The following XRRA1 variants were observed in gnomAD, a reference collection of about 807,000 sequenced individuals.
XRRA1 encodes X-ray radiation resistance associated 1, also known as X-ray radiation resistance-associated protein 1.
XRRA1 carries 69 observed loss-of-function variants against 80.2 expected under a neutral mutation model. The ratio of observed to expected loss-of-function variants is 0.86; its 90% confidence interval spans 0.71 to 1.05. XRRA1 has a LOEUF of 1.05. XRRA1 is among the 50% of genes least tolerant of loss of function. The pLI, the probability that XRRA1 is intolerant of heterozygous loss-of-function variation, is 0.00. For missense variants in XRRA1, 967 were observed against 976.4 expected, an observed-to-expected ratio of 0.99 and a Z score of 0.13; for synonymous variants, 348 against 389.9, an observed-to-expected ratio of 0.89 and a Z score of 1.27.
chr11:74,885,278 A>C (rs1026635340), intron 10 of XRRA1, among the ~76,000 whole-genome samples: 1 of 152,232 alleles, frequency 6.6e-6, no homozygotes, highest in Admixed American at 6.5e-5. Flanking sequence ...AAGAGAAAAA[A>C]GATCAACAAA....
Position 74,927,393 on chromosome 11 carries a change from C to G in XRRA1, c.520G>C (p.Glu174Gln), listed in dbSNP as rs772145337. 1.3e-5 allele frequency: 21 copies of G among 1,603,354 alleles called. No homozygotes were observed. The highest frequency in any genetic ancestry group is 1.8e-5 in the Non-Finnish European group (21 of 1,170,626). Residue 174 changes from glutamate to glutamine, a missense_variant and splice_region_variant, in exon 7 of 19, where the codon GAA becomes CAA. By Grantham distance (29) the Glu-to-Gln change is conservative. Coordinates refer to ENST00000684022, the MANE Select transcript of XRRA1 (RefSeq NM_001378157.1). ...YVKYGDFKLL[E>Q]FLDLSFNSLT... ...AAAACTCCCTACCTCCAACTTACTT[C>G]TAATAACTTAAAGTCTCCATATTTC... is the stretch of plus-strand genomic sequence containing the variant.
intron 10 of XRRA1, chr11:74,876,945 G>T (rs1467697668): frequency 6.6e-6 from 1 of 152,100 alleles, no homozygotes; most frequent in African/African-American, 2.4e-5. Flanking sequence ...GATTACAGTT[G>T]TAACTTCATA....
At chr11:74,939,604 A>AT (rs558753942) in intron 3 of XRRA1, among the ~76,000 whole-genome samples, 324 of 152,120 alleles carry the variant, frequency 2.1e-3, no homozygotes, top group African/African-American at 5.5e-3. Context: ...CTCAACTTGT[A>AT]TTTTTTCTGC....
At chr11:74,856,026 G>T (rs2041007327) in intron 12 of XRRA1, among the ~76,000 whole-genome samples, 1 of 152,176 alleles carries the variant, frequency 6.6e-6, no homozygotes, top group African/African-American at 2.4e-5. Context: ...CAGCTACTTG[G>T]GAGGCTGAGG....
chr11:74,943,388 G>A (rs1054414323), intron 2 of XRRA1, among the ~76,000 whole-genome samples: 5 of 152,176 alleles, frequency 3.3e-5, no homozygotes, highest in Non-Finnish European at 7.3e-5. Flanking sequence ...TTCACAGATT[G>A]TTCACCACAG....
intron 10 of XRRA1, among the ~76,000 whole-genome samples, chr11:74,885,456 G>A (rs925946453): frequency 6.6e-6 from 1 of 151,744 alleles, no homozygotes; most frequent in Non-Finnish European, 1.5e-5. Flanking sequence ...AACATACGAG[G>A]TATAAAACCT....
intron 10 of XRRA1, among the ~76,000 whole-genome samples, chr11:74,898,470 T>C (rs1213317401): frequency 6.6e-6 from 1 of 151,860 alleles, no homozygotes; most frequent in East Asian, 1.9e-4. Flanking sequence ...GGTAGCTAAA[T>C]GGATGTAAAA....
intron 6 of XRRA1, among the ~76,000 whole-genome samples, chr11:74,927,775 T>C (rs1429650481): frequency 6.6e-6 from 1 of 152,202 alleles, no homozygotes. Context: ...AAAGCCCATT[T>C]TAAAAATTAT....
At chr11:74,881,284 C>T (rs1365552893) in intron 10 of XRRA1, among the ~76,000 whole-genome samples, 2 of 151,302 alleles carry the variant, frequency 1.3e-5, no homozygotes, top group Admixed American at 1.3e-4. Context: ...AGGATTGCAA[C>T]CCCTGCCTTT....
At chr11:74,877,340 G>C (rs2046272216) in intron 10 of XRRA1, among the ~76,000 whole-genome samples, 1 of 152,108 alleles carries the variant, frequency 6.6e-6, no homozygotes, top group Non-Finnish European at 1.5e-5. Context: ...TTCTGGTAAA[G>C]TACAGCGACA....
In XRRA1 at chr11:74,851,139, C is replaced by A. The variant is rs1453603863; in HGVS notation, c.1329G>T (p.Lys443Asn). 5.6e-6 allele frequency: 9 copies of A among 1,613,174 alleles called. No individual in the cohort carries two copies. The highest frequency in any genetic ancestry group is 7.6e-6 in the Non-Finnish European group (9 of 1,179,402). The change falls in exon 14 of 19, where the codon AAG becomes AAT. Residue 443 changes from lysine (K) to asparagine (N), a missense_variant. By Grantham distance (94) the Lys-to-Asn change is moderately conservative. Coordinates refer to ENST00000684022, the MANE Select transcript of XRRA1 (RefSeq NM_001378157.1). Reference sequence around the variant, plus strand: ...AAACATGATGCTTAGGCTTTACTATCTTCCTTCGAATTAAGTGGATTCCCA... The same window carrying A: ...AAACATGATGCTTAGGCTTTACTATATTCCTTCGAATTAAGTGGATTCCCA... ...ERLGIHLIRRKIVKPKHHVLM... is the reference protein window; with the variant it reads ...ERLGIHLIRRNIVKPKHHVLM...
At chr11:74,879,117 G>C (rs2046829100) in intron 10 of XRRA1, among the ~76,000 whole-genome samples, 2 of 149,502 alleles carry the variant, frequency 1.3e-5, no homozygotes, top group Middle Eastern at 3.4e-3. Flanking sequence ...TCTTCCATTT[G>C]TTTGTATCCT....
intron 7 of XRRA1, among the ~76,000 whole-genome samples, chr11:74,925,587 G>C (rs1326079230): frequency 4.0e-5 from 6 of 151,634 alleles, no homozygotes; most frequent in African/African-American, 1.5e-4. Flanking sequence ...TTTATATTCT[G>C]CATCTTAACT....
chr11:74,867,236 T>C (rs2043654531), intron 10 of XRRA1, among the ~76,000 whole-genome samples: 1 of 152,168 alleles, frequency 6.6e-6, no homozygotes, highest in East Asian at 1.9e-4. Flanking sequence ...TTAAACAGGT[T>C]GAAATGACAG....
intron 1 of XRRA1, among the ~76,000 whole-genome samples, chr11:74,946,375 G>T (rs1947526988): frequency 6.6e-6 from 1 of 152,190 alleles, no homozygotes; most frequent in Non-Finnish European, 1.5e-5. Context: ...ATTGGATCAA[G>T]GAGGTGGTCC....
chr11:74,907,325 C>T (rs1359162351), intron 8 of XRRA1, 52 bp from the exon 9 acceptor site: 5 of 1,605,556 alleles, frequency 3.1e-6, no homozygotes, highest in Non-Finnish European at 4.3e-6. Flanking sequence ...ACAAATTCCA[C>T]CATTCCCAGG....
chr11:74,898,834 G>C (rs1046718527), intron 10 of XRRA1, among the ~76,000 whole-genome samples: 1 of 152,104 alleles, frequency 6.6e-6, no homozygotes, highest in African/African-American at 2.4e-5. Flanking sequence ...CCCACTTTCA[G>C]CATTGGACAG....
chr11:74,943,393 C>G (rs1362439384), intron 2 of XRRA1, among the ~76,000 whole-genome samples: 1 of 152,208 alleles, frequency 6.6e-6, no homozygotes, highest in African/African-American at 2.4e-5. Flanking sequence ...AGATTGTTCA[C>G]CACAGTCTGA....
intron 7 of XRRA1, among the ~76,000 whole-genome samples, chr11:74,926,652 G>C (rs2139213677): frequency 6.6e-6 from 1 of 152,204 alleles, no homozygotes; most frequent in East Asian, 1.9e-4. Flanking sequence ...TTTGTAAAAA[G>C]TGGCCCACAA....
Sources: gnomAD v4.1 joint callset for allele counts (sites outside exome capture counted in the v4.1 genomes callset) on GRCh38, gnomAD v4.1.1 for gene constraint, MANE v1.5 for transcripts, NCBI Gene and HGNC (gene_info 2026-07-23, HGNC 2026-07-21) for gene names.